TTC29: variants seen among roughly 807,000 people sequenced by gnomAD.
TTC29 encodes tetratricopeptide repeat domain 29.
TTC29 carries 49 observed loss-of-function variants against 58.1 expected under a neutral mutation model. That is an observed-to-expected ratio of 0.84 (90% CI 0.67 to 1.07). TTC29 has a LOEUF of 1.07. Ranked by LOEUF, TTC29 falls within the 50% of genes least tolerant of loss-of-function variation. The probability of loss-of-function intolerance (pLI) is 0.00; values close to 1 mark genes in which losing one functional copy is unlikely to be tolerated. For synonymous variants in TTC29, 209 were observed against 196.8 expected, an observed-to-expected ratio of 1.06 and a Z score of -0.52; for missense variants, 582 against 555.6, an observed-to-expected ratio of 1.05 and a Z score of -0.48.
chr4:146,776,750 C>G (rs1748129422), intron 11 of TTC29, among the ~76,000 whole-genome samples: 2 of 152,226 alleles, frequency 1.3e-5, no homozygotes. Context: ...TATGCTAGCA[C>G]AGCAGGGTGC....
In TTC29 at chr4:146,938,775, T is replaced by C. The variant is rs565869333; in HGVS notation, c.92+1029A>G. ...GAGGCATGAGAACAAAGAAACCTCC[T>C]AATACTTTGATCATTATGCCTTGCA... On this transcript the variant is annotated intron_variant, in intron 3 of 12. Coordinates refer to ENST00000325106, the MANE Select transcript of TTC29 (RefSeq NM_031956.4). Among the ~76,000 whole-genome samples, 5 of 152,326 alleles carry C rather than the reference T, an allele frequency of 3.3e-5. No individual in the cohort carries two copies. In the East Asian group the frequency reaches 9.6e-4, roughly 29 times the overall value.
At chr4:146,889,790 C>T (rs1387958117) in intron 6 of TTC29, among the ~76,000 whole-genome samples, 1 of 151,386 alleles carries the variant, frequency 6.6e-6, no homozygotes, top group Non-Finnish European at 1.5e-5. Flanking sequence ...ACTTCAAATG[C>T]CAAAAAATAA....
chr4:146,891,416 A>G (rs531151032), intron 6 of TTC29, among the ~76,000 whole-genome samples: 1 of 152,188 alleles, frequency 6.6e-6, no homozygotes, highest in Non-Finnish European at 1.5e-5. Flanking sequence ...GACCGTAGCC[A>G]ATAATTAGTG....
At chr4:146,720,127 A>G (rs1166168333) in intron 11 of TTC29, among the ~76,000 whole-genome samples, 4 of 152,138 alleles carry the variant, frequency 2.6e-5, no homozygotes, top group Non-Finnish European at 4.4e-5. Flanking sequence ...TTGGCTTTTA[A>G]TCCTAGATAT....
At chr4:146,784,070 T>C (rs898923558) in intron 11 of TTC29, among the ~76,000 whole-genome samples, 3 of 151,282 alleles carry the variant, frequency 2.0e-5, no homozygotes, top group Non-Finnish European at 2.9e-5. Flanking sequence ...GTCTCAGGTA[T>C]AGTATAGTAT....
chr4:146,846,971 G>A (rs1167269838), intron 8 of TTC29, among the ~76,000 whole-genome samples: 3 of 152,166 alleles, frequency 2.0e-5, no homozygotes, highest in African/African-American at 7.2e-5. Flanking sequence ...TTAGATCCAT[G>A]ATGTAATGCT....
At chr4:146,904,193 C>T (rs1733365200) in intron 5 of TTC29, among the ~76,000 whole-genome samples, 1 of 151,922 alleles carries the variant, frequency 6.6e-6, no homozygotes, top group African/African-American at 2.4e-5. Flanking sequence ...ATGAAAATAC[C>T]AAGGTATTTC....
intron 11 of TTC29, among the ~76,000 whole-genome samples, chr4:146,729,418 G>T (rs981844433): frequency 1.3e-5 from 2 of 152,032 alleles, no homozygotes; most frequent in African/African-American, 2.4e-5. Context: ...GACATTTGAA[G>T]ACTTTTTTCC....
At chr4:146,727,856 G>A (rs544262002) in intron 11 of TTC29, among the ~76,000 whole-genome samples, 4 of 152,310 alleles carry the variant, frequency 2.6e-5, no homozygotes, top group East Asian at 1.9e-4. Flanking sequence ...GAATAAATAC[G>A]AAGGAGCATA....
chr4:146,786,192 C>T (rs982542219), intron 11 of TTC29, among the ~76,000 whole-genome samples: 9 of 152,158 alleles, frequency 5.9e-5, no homozygotes, highest in Non-Finnish European at 1.2e-4. Flanking sequence ...TCTCCCTCTT[C>T]GTCTTTCTCT....
intron 11 of TTC29, among the ~76,000 whole-genome samples, chr4:146,787,172 T>G (rs1489579387): frequency 6.6e-6 from 1 of 152,208 alleles, no homozygotes; most frequent in Non-Finnish European, 1.5e-5. Context: ...CTAGTAAGGA[T>G]GAAAAATTGT....
rs1751818978 is a variant in TTC29 at position 146,821,451 on chromosome 4, T to TAAAAGTTTTATAAACTTTTA, written c.978-1204_978-1203insTAAAAGTTTATAAAACTTTT. 3.3e-5 allele frequency among the ~76,000 whole-genome samples: 5 copies of TAAAAGTTTTATAAACTTTTA among 152,278 alleles called. No homozygotes were observed. In the South Asian group the frequency reaches 1.0e-3, roughly 32 times the overall value. On this transcript the variant is annotated intron_variant, in intron 9 of 12. Transcript: ENST00000325106. ...AAAGCTGTTTTTAAAAAAAAACTTT[T>TAAAAGTTTTATAAACTTTTA]AAAAGTTTATAAAAGGCGAATACTA...
At chr4:146,776,148 T>C (rs1433025157) in intron 11 of TTC29, among the ~76,000 whole-genome samples, 1 of 152,208 alleles carries the variant, frequency 6.6e-6, no homozygotes, top group Admixed American at 6.5e-5. Context: ...GATAAGTTTG[T>C]TTCTTTCTTA....
chr4:146,930,173 T>C (rs903987407), intron 4 of TTC29, among the ~76,000 whole-genome samples: 19 of 145,980 alleles, frequency 1.3e-4, no homozygotes, highest in Non-Finnish European at 2.7e-4. Context: ...AGGGTGATCA[T>C]ATTTTAAATG....
chr4:146,808,488 A>AC (rs1318677393), intron 10 of TTC29, among the ~76,000 whole-genome samples: 1 of 152,138 alleles, frequency 6.6e-6, no homozygotes, highest in Non-Finnish European at 1.5e-5. Context: ...TATTTAGAAA[A>AC]CCCCATCATC....
chr4:146,727,265 C>T (rs1029406299), intron 11 of TTC29, among the ~76,000 whole-genome samples: 1 of 152,038 alleles, frequency 6.6e-6, no homozygotes, highest in Non-Finnish European at 1.5e-5. Context: ...ACAGAGTTCC[C>T]ATATACCATG....
chr4:146,743,458 G>A (rs142076487), intron 11 of TTC29, among the ~76,000 whole-genome samples: 15 of 152,274 alleles, frequency 9.9e-5, no homozygotes, highest in African/African-American at 3.1e-4. Flanking sequence ...GGATGGTTTA[G>A]AGAGTTCAGA....
At chr4:146,899,073 T>C (rs1470731160) in intron 6 of TTC29, among the ~76,000 whole-genome samples, 2 of 152,224 alleles carry the variant, frequency 1.3e-5, no homozygotes, top group Non-Finnish European at 2.9e-5. Context: ...CTAGTTTGCA[T>C]GCCCCCCAAA....
chr4:146,813,194 A>G (rs1014729300), intron 10 of TTC29, among the ~76,000 whole-genome samples: 3 of 152,242 alleles, frequency 2.0e-5, no homozygotes, highest in Admixed American at 6.5e-5. Context: ...TTTTCTCAGT[A>G]CTAAGGATAA....
Sources: allele counts gnomAD v4.1 joint callset (sites outside exome capture counted in the v4.1 genomes callset), GRCh38; gene constraint gnomAD v4.1.1; transcripts MANE v1.5; gene names NCBI Gene and HGNC (gene_info 2026-07-23, HGNC 2026-07-21).